Variants in USH2A observed in about 807,000 individuals in gnomAD.
USH2A encodes the protein Usher syndrome 2A (autosomal recessive, mild).
USH2A carries 443 observed loss-of-function variants against 538.9 expected under a neutral mutation model. That is an observed-to-expected ratio of 0.82 (90% CI 0.76 to 0.89). The LOEUF is 0.89. USH2A is among the 40% of genes least tolerant of loss of function. The pLI is 0.00. For synonymous variants in USH2A, 2,413 were observed against 2,273.5 expected (o/e 1.06, Z -1.75); for missense variants, 6,633 against 6,324.8 (o/e 1.05, Z -1.65).
At chr1:215,711,552 C>T (rs867426012) in intron 61 of USH2A, among the ~76,000 whole-genome samples, 1 of 152,096 alleles carries the variant, frequency 6.6e-6, no homozygotes, top group Non-Finnish European at 1.5e-5. Context: ...ATACATTTAA[C>T]AGGAAAACTC....
At chr1:216,093,694 A>G (rs1026621165) in intron 22 of USH2A, among the ~76,000 whole-genome samples, 1 of 152,186 alleles carries the variant, frequency 6.6e-6, no homozygotes, top group Non-Finnish European at 1.5e-5. Flanking sequence ...TTAATTCTCC[A>G]ATGACTGTCC....
chr1:215,856,566 G>A (rs1478723281), intron 44 of USH2A, among the ~76,000 whole-genome samples: 3 of 152,158 alleles, frequency 2.0e-5, no homozygotes, highest in East Asian at 3.8e-4. Flanking sequence ...TGGCATAGAT[G>A]TGATACAAAG....
chr1:216,123,936 C>T (rs2033190437), intron 21 of USH2A, among the ~76,000 whole-genome samples: 1 of 152,140 alleles, frequency 6.6e-6, no homozygotes, highest in Non-Finnish European at 1.5e-5. Flanking sequence ...CATAGCCCTA[C>T]ACTCATCTCC....
intron 50 of USH2A, among the ~76,000 whole-genome samples, chr1:215,798,691 G>GAA (rs936522451): frequency 6.6e-6 from 1 of 151,596 alleles, no homozygotes; most frequent in Admixed American, 6.6e-5. Context: ...TTTTCAAGAG[G>GAA]AAAAAAAATT....
At chr1:216,254,385 G>A (rs1233097010) in intron 11 of USH2A, among the ~76,000 whole-genome samples, 4 of 151,968 alleles carry the variant, frequency 2.6e-5, no homozygotes, top group Admixed American at 6.6e-5. Context: ...CCACCAAGAA[G>A]TAGAAAGAGA....
intron 3 of USH2A, among the ~76,000 whole-genome samples, chr1:216,400,531 TCTGAAAATA>T (rs1269918140): frequency 2.6e-5 from 4 of 151,948 alleles, no homozygotes; most frequent in Non-Finnish European, 5.9e-5. Flanking sequence ...AGAAAGAATG[TCTGAAAATA>T]CTGAAAATAT....
chr1:216,229,181 A>AG (rs994731694), intron 14 of USH2A, among the ~76,000 whole-genome samples: 2 of 151,966 alleles, frequency 1.3e-5, no homozygotes, highest in African/African-American at 4.8e-5. Flanking sequence ...GTCCAAAAAA[A>AG]AAACCCCACA....
intron 49 of USH2A, among the ~76,000 whole-genome samples, chr1:215,804,178 A>T (rs1571702897): frequency 1.3e-5 from 2 of 152,268 alleles, no homozygotes; most frequent in Admixed American, 6.5e-5. Flanking sequence ...AACCATAAAA[A>T]CCCTAGAAGA....
chr1:216,129,238 T>C (rs144281511), intron 21 of USH2A, among the ~76,000 whole-genome samples: 395 of 152,216 alleles, frequency 2.6e-3, no homozygotes, highest in African/African-American at 9.1e-3. Flanking sequence ...CTCTTTGATA[T>C]ACTGATGTTT....
intron 21 of USH2A, among the ~76,000 whole-genome samples, chr1:216,138,918 A>ATGTGTG (rs534404810): frequency 3.4e-4 from 50 of 148,836 alleles, no homozygotes; most frequent in African/African-American, 1.1e-3. Context: ...GCATATATTA[A>ATGTGTG]TGTGTGTGTG....
At chr1:215,698,571 C>G (rs1001487485) in intron 61 of USH2A, among the ~76,000 whole-genome samples, 1 of 152,142 alleles carries the variant, frequency 6.6e-6, no homozygotes, top group East Asian at 1.9e-4. Flanking sequence ...TCTCTAATTA[C>G]CAGTGATATG....
rs560732633 is a variant in USH2A, at chr1:215,938,982, T to C, written c.7121-4187A>G. On this transcript the variant is annotated intron_variant, in intron 37 of 71. Transcript: ENST00000307340. ...TTGACTAGCTTTGGACTATAACATGTTTACTCTATTAGTGAAATAAGTGTA... is the reference window on the plus strand; with the variant it reads ...TTGACTAGCTTTGGACTATAACATGCTTACTCTATTAGTGAAATAAGTGTA... 3.7e-4 allele frequency among the ~76,000 whole-genome samples: 57 copies of C among 152,248 alleles called. 3 individuals are homozygous for C. The South Asian group carries it at 0.011, about 30-fold the overall frequency.
intron 21 of USH2A, among the ~76,000 whole-genome samples, chr1:216,110,973 C>G (rs1193117793): frequency 6.6e-6 from 1 of 152,194 alleles, no homozygotes; most frequent in African/African-American, 2.4e-5. Context: ...CGCCTGTAAT[C>G]CCAGCACTTT....
rs1036935887 is a variant in USH2A at position 215,813,959 on chromosome 1, C to A, written c.9571-55G>T. 8 of 1,550,346 alleles carry A rather than the reference C, an allele frequency of 5.2e-6. No individual in the cohort carries two copies. In the South Asian group the frequency reaches 7.9e-5, roughly 15 times the overall value. On this transcript the variant is annotated intron_variant, in intron 48 of 71. Coordinates refer to ENST00000307340, the MANE Select transcript of USH2A (RefSeq NM_206933.4). Reference sequence around the variant, plus strand: ...TATCAGTTTAGTTAAGAGTGTTATACCACTGTATCTCATGTAATATAATTA... The same window carrying A: ...TATCAGTTTAGTTAAGAGTGTTATAACACTGTATCTCATGTAATATAATTA...
At chr1:215,691,763 G>A (rs1393089715) in intron 61 of USH2A, among the ~76,000 whole-genome samples, 3 of 152,120 alleles carry the variant, frequency 2.0e-5, no homozygotes, top group African/African-American at 7.2e-5. Flanking sequence ...TTGTGGCTGG[G>A]CTAGAGTAAG....
intron 9 of USH2A, among the ~76,000 whole-genome samples, chr1:216,312,521 AT>A (rs2037440774): frequency 6.6e-6 from 1 of 151,944 alleles, no homozygotes; most frequent in African/African-American, 2.4e-5. Flanking sequence ...GGTAGTCTCT[AT>A]TGACACATCT....
At chr1:215,765,426 C>G (rs576991340) in intron 56 of USH2A, among the ~76,000 whole-genome samples, 8 of 152,160 alleles carry the variant, frequency 5.3e-5, no homozygotes, top group Admixed American at 3.3e-4. Flanking sequence ...GTCTAATATT[C>G]CGAGGTACAA....
chr1:215,854,185 A>G (rs542312515), intron 44 of USH2A, among the ~76,000 whole-genome samples: 10 of 152,192 alleles, frequency 6.6e-5, no homozygotes, highest in Non-Finnish European at 1.5e-4. Context: ...CACATCTTAC[A>G]TGGCGGTAGA....
intron 3 of USH2A, among the ~76,000 whole-genome samples, chr1:216,411,812 T>G (rs1432165289): frequency 6.6e-6 from 1 of 152,140 alleles, no homozygotes; most frequent in Non-Finnish European, 1.5e-5. Context: ...CTTTCTAGCC[T>G]CCAGAACTCT....
Sources: gnomAD v4.1 joint callset for allele counts (sites outside exome capture counted in the v4.1 genomes callset) on GRCh38, gnomAD v4.1.1 for gene constraint, MANE v1.5 for transcripts, NCBI Gene and HGNC (gene_info 2026-07-23, HGNC 2026-07-21) for gene names.